The following KLHL29 variants were observed in gnomAD, a reference collection of about 807,000 sequenced individuals.
KLHL29 encodes the protein kelch-like protein 29.
In KLHL29, 21 loss-of-function variants were observed where a neutral mutation model predicts 80.4. The ratio of observed to expected loss-of-function variants is 0.26; its 90% CI spans 0.19 to 0.38. KLHL29 has a LOEUF of 0.38. Ranked by LOEUF, KLHL29 falls within the 10% of genes least tolerant of loss-of-function variation. The pLI, the probability that KLHL29 is intolerant of heterozygous loss-of-function variation, is 1.00. For missense variants in KLHL29, 867 were observed against 1,223.9 expected (o/e 0.71, Z 4.35); for synonymous variants, 511 against 526.8 (o/e 0.97, Z 0.41).
intron 5 of KLHL29, among the ~76,000 whole-genome samples, chr2:23,670,907 ACATGCACGCG>A (rs1321411461): frequency 1.6e-5 from 1 of 62,184 alleles, no homozygotes; most frequent in East Asian, 9.4e-4. Flanking sequence ...GTCTCTACAC[ACATGCACGCG>A]CTCTCTCTCT....
At chr2:23,395,412 C>G (rs527506490) in intron 1 of KLHL29, among the ~76,000 whole-genome samples, 12 of 152,292 alleles carry the variant, frequency 7.9e-5, no homozygotes, top group Admixed American at 1.3e-4. Context: ...CCACACTGTT[C>G]CCAGTGTGTG....
At chr2:23,673,494 C>T (rs963928413) in intron 5 of KLHL29, among the ~76,000 whole-genome samples, 7 of 151,888 alleles carry the variant, frequency 4.6e-5, no homozygotes, top group Non-Finnish European at 7.4e-5. Context: ...GATGCATACA[C>T]GCCCCCACAC....
rs534857383 is a variant in KLHL29 at position 23,596,315 on chromosome 2, G to A, written c.285+33834G>A. Among the ~76,000 whole-genome samples, 2 of 152,266 alleles carry A rather than the reference G, an allele frequency of 1.3e-5. No individual in the cohort carries two copies. The highest frequency in any genetic ancestry group is 4.8e-5 in the African/African-American group (2 of 41,560). On this transcript the variant is annotated intron_variant, in intron 3 of 13. Coordinates refer to ENST00000486442, the MANE Select transcript of KLHL29 (RefSeq NM_052920.2). The surrounding 1 kb of genome is among the most constrained non-coding windows in gnomAD (Gnocchi z 4.4). Reference sequence around the variant, plus strand: ...AAATCATGCCCACCTCATTTTGCAAGGGTTTTCTTGAGTTCTCCTCCAGGC... The same window carrying A: ...AAATCATGCCCACCTCATTTTGCAAAGGTTTTCTTGAGTTCTCCTCCAGGC...
chr2:23,539,027 G>A (rs1352721341), intron 2 of KLHL29, among the ~76,000 whole-genome samples: 1 of 152,224 alleles, frequency 6.6e-6, no homozygotes, highest in Non-Finnish European at 1.5e-5. Context: ...CAAGGATGAA[G>A]AGAAGGGCTG....
At chr2:23,587,944 A>G (rs1014873626) in intron 3 of KLHL29, among the ~76,000 whole-genome samples, 3 of 152,002 alleles carry the variant, frequency 2.0e-5, no homozygotes, top group African/African-American at 4.8e-5. Context: ...CGTTGTAACA[A>G]TTTTTCTCAT....
chr2:23,536,673 C>G (rs1666672536), intron 2 of KLHL29, among the ~76,000 whole-genome samples: 2 of 152,136 alleles, frequency 1.3e-5, no homozygotes, highest in Non-Finnish European at 2.9e-5. Context: ...GTCCTGATCT[C>G]TCTCCGTGAA....
In KLHL29 at chr2:23,684,284, T is replaced by C; in HGVS notation, c.941-115T>C. The C allele has an allele frequency of 2.7e-6, 2 of 747,786 alleles. No homozygotes were observed. The allele number at this position is 747,786 out of a possible 1,614,324, so 46.3% of individuals were successfully genotyped here. ...TTGAGCCAGTCTTGCCAAGAAACAA[T>C]ATCAAGTATTTCCTATTTCTCTACT... On this transcript the variant is annotated intron_variant, in intron 5 of 13. Coordinates refer to ENST00000486442, the MANE Select transcript of KLHL29 (RefSeq NM_052920.2). The surrounding 1 kb of genome is among the most constrained non-coding windows in gnomAD (Gnocchi z 4.4).
chr2:23,455,285 T>G (rs1270295084), intron 1 of KLHL29, among the ~76,000 whole-genome samples: 5 of 152,208 alleles, frequency 3.3e-5, no homozygotes, highest in Admixed American at 3.3e-4. Flanking sequence ...AAAATATATT[T>G]TATAAATACC....
At chr2:23,629,673 A>G (rs909724340) in intron 3 of KLHL29, among the ~76,000 whole-genome samples, 1 of 152,200 alleles carries the variant, frequency 6.6e-6, no homozygotes, top group African/African-American at 2.4e-5. Flanking sequence ...AAGGGAGGCC[A>G]TCTGTGCTGC....
chr2:23,545,332 C>T (rs1286342743), intron 2 of KLHL29, among the ~76,000 whole-genome samples: 2 of 152,236 alleles, frequency 1.3e-5, no homozygotes, highest in East Asian at 3.8e-4. Flanking sequence ...CAAGCCACCG[C>T]ATCACTGAGC....
chr2:23,560,405 G>C (rs1304985074), intron 2 of KLHL29, among the ~76,000 whole-genome samples: 1 of 151,564 alleles, frequency 6.6e-6, no homozygotes, highest in Non-Finnish European at 1.5e-5. Context: ...TGAGTAGCTG[G>C]GACTACAGGC....
intron 1 of KLHL29, among the ~76,000 whole-genome samples, chr2:23,433,662 C>T (rs970180454): frequency 2.0e-5 from 3 of 152,136 alleles, no homozygotes; most frequent in East Asian, 1.9e-4. Flanking sequence ...ACTTGTAATC[C>T]CAGCACTTTG....
intron 1 of KLHL29, among the ~76,000 whole-genome samples, chr2:23,471,519 A>T (rs1488878231): frequency 6.6e-6 from 1 of 152,176 alleles, no homozygotes; most frequent in African/African-American, 2.4e-5. Context: ...TCTTGCTTTC[A>T]TATTGGTCTT....
At chr2:23,491,384 TC>T (rs1418499803) in intron 2 of KLHL29, among the ~76,000 whole-genome samples, 1 of 152,124 alleles carries the variant, frequency 6.6e-6, no homozygotes, top group Non-Finnish European at 1.5e-5. Context: ...CAGTATGAGT[TC>T]CTGTAGTGAT....
intron 2 of KLHL29, among the ~76,000 whole-genome samples, chr2:23,512,340 G>A (rs1221274212): frequency 6.6e-6 from 1 of 152,036 alleles, no homozygotes; most frequent in African/African-American, 2.4e-5. Context: ...AGCTACTTGG[G>A]AGGCTGAGGC....
In KLHL29 at chr2:23,695,058, A is replaced by T. The variant is rs934225041; in HGVS notation, c.1543-565A>T. Among the ~76,000 whole-genome samples, 1 of 152,110 alleles carries T rather than the reference A, an allele frequency of 6.6e-6. No individual in the cohort carries two copies. The highest frequency in any genetic ancestry group is 2.4e-5 in the African/African-American group (1 of 41,382). Reference sequence around the variant, plus strand: ...TTTGTTAGGAGGGGAGATTCAAGGGAGCCTGTAAAACCACCTCAGTGCAGG... The same window carrying T: ...TTTGTTAGGAGGGGAGATTCAAGGGTGCCTGTAAAACCACCTCAGTGCAGG... On this transcript the variant is annotated intron_variant, in intron 8 of 13. Transcript: ENST00000486442. The surrounding 1 kb of genome is among the most constrained non-coding windows in gnomAD (Gnocchi z 7.6).
chr2:23,554,377 G>A (rs866140542), intron 2 of KLHL29, among the ~76,000 whole-genome samples: 6 of 152,326 alleles, frequency 3.9e-5, no homozygotes, highest in Middle Eastern at 3.4e-3. Flanking sequence ...GGGGCCGGCC[G>A]GGCCGAGGCT....
intron 2 of KLHL29, among the ~76,000 whole-genome samples, chr2:23,557,949 T>C (rs879256040): frequency 6.6e-6 from 1 of 152,090 alleles, no homozygotes; most frequent in Admixed American, 6.5e-5. Flanking sequence ...CAACATCCAG[T>C]GTGCGTAGGG....
At chr2:23,467,660 T>C (rs1314371207) in intron 1 of KLHL29, among the ~76,000 whole-genome samples, 1 of 152,144 alleles carries the variant, frequency 6.6e-6, no homozygotes, top group Admixed American at 6.5e-5. Context: ...AGGCTTGGGC[T>C]CAAAGGAAAG....
Sources: allele counts gnomAD v4.1 joint callset (sites outside exome capture counted in the v4.1 genomes callset), GRCh38; gene constraint gnomAD v4.1.1; non-coding constraint Gnocchi (gnomAD v3.1); transcripts MANE v1.5; gene names NCBI Gene and HGNC (gene_info 2026-07-23, HGNC 2026-07-21).